The following SHISA6 variants were observed in gnomAD, a reference collection of about 807,000 sequenced individuals.
SHISA6 encodes the protein shisa family member 6.
In SHISA6, 22 loss-of-function variants were observed where a neutral mutation model predicts 47.9. The ratio of observed to expected loss-of-function variants is 0.46; its 90% CI spans 0.33 to 0.66. The LOEUF is 0.66. SHISA6 is among the 30% of genes least tolerant of loss of function. The probability of loss-of-function intolerance (pLI) is 0.02; values close to 1 mark genes in which losing one functional copy is unlikely to be tolerated. For synonymous variants in SHISA6, 388 were observed against 337.8 expected, an observed-to-expected ratio of 1.15 and a Z score of -1.63; for missense variants, 680 against 764.6, an observed-to-expected ratio of 0.89 and a Z score of 1.30.
intron 3 of SHISA6, among the ~76,000 whole-genome samples, chr17:11,462,739 T>C (rs911379742): frequency 6.6e-6 from 1 of 152,178 alleles, no homozygotes; most frequent in African/African-American, 2.4e-5. Flanking sequence ...GCAATTTTCC[T>C]GCCTCAGCCT....
At chr17:11,547,512 A>G (rs887352828) in intron 3 of SHISA6, among the ~76,000 whole-genome samples, 3 of 152,262 alleles carry the variant, frequency 2.0e-5, no homozygotes, top group African/African-American at 7.2e-5. Context: ...CATTTAGGAT[A>G]TAACAACAAT....
At chr17:11,322,570 T>A (rs943513003) in intron 2 of SHISA6, among the ~76,000 whole-genome samples, 14 of 152,224 alleles carry the variant, frequency 9.2e-5, no homozygotes. Flanking sequence ...GCGAAGGACA[T>A]GCTGAGGACT....
At chr17:11,446,040 C>A (rs1233856341) in intron 3 of SHISA6, among the ~76,000 whole-genome samples, 18 of 152,090 alleles carry the variant, frequency 1.2e-4, no homozygotes, top group Non-Finnish European at 1.0e-4. Context: ...ATTGGTCAGG[C>A]TGGTCTTGAA....
chr17:11,285,998 G>C (rs921878033), intron 2 of SHISA6, among the ~76,000 whole-genome samples: 1 of 151,986 alleles, frequency 6.6e-6, no homozygotes, highest in Admixed American at 6.6e-5. Context: ...CACCACGCCT[G>C]GCTAATATTT....
intron 3 of SHISA6, among the ~76,000 whole-genome samples, chr17:11,459,797 A>G (rs776321598): frequency 6.6e-6 from 1 of 152,196 alleles, no homozygotes; most frequent in African/African-American, 2.4e-5. Flanking sequence ...CATCACGGGA[A>G]CTAGTTGGAG....
intron 3 of SHISA6, among the ~76,000 whole-genome samples, chr17:11,425,133 T>A (rs961281630): frequency 1.3e-5 from 2 of 151,954 alleles, no homozygotes; most frequent in Non-Finnish European, 2.9e-5. Context: ...AAAATAAAAA[T>A]TTTTAAAGAA....
chr17:11,320,579 A>C (rs904579615), intron 2 of SHISA6, among the ~76,000 whole-genome samples: 11 of 151,900 alleles, frequency 7.2e-5, no homozygotes, highest in African/African-American at 2.7e-4. Context: ...AATCATTTGA[A>C]CTCTGGAGGT....
At chr17:11,350,325 G>T (rs1313344732) in intron 2 of SHISA6, among the ~76,000 whole-genome samples, 1 of 6,266 alleles carries the variant, frequency 1.6e-4, no homozygotes, top group Non-Finnish European at 1.1e-3. Flanking sequence ...GACTACAGGC[G>T]CCTGCCACCA....
Position 11,548,104 on chromosome 17 carries a change from G to A in SHISA6, c.896-3792G>A, listed in dbSNP as rs148522535. Among the ~76,000 whole-genome samples the A allele has an allele frequency of 3.0e-3, 456 of 152,092 alleles. 1 individual carries two copies. The highest frequency in any genetic ancestry group is 4.8e-3 in the Non-Finnish European group (325 of 67,974). ...TTCACCTGTTAGCTACGCAACATTC[G>A]GCAAAATATTCAAACTCTCCAAACT... On this transcript the variant is annotated intron_variant, in intron 3 of 5. Transcript: ENST00000441885.
intron 1 of SHISA6, among the ~76,000 whole-genome samples, chr17:11,258,803 A>C (rs1469433662): frequency 6.6e-6 from 1 of 152,256 alleles, no homozygotes; most frequent in Non-Finnish European, 1.5e-5. Context: ...AGCACTGAGC[A>C]GTTCAGCCAC....
chr17:11,486,511 G>A (rs1321468706), intron 3 of SHISA6, among the ~76,000 whole-genome samples: 1 of 152,186 alleles, frequency 6.6e-6, no homozygotes, highest in Non-Finnish European at 1.5e-5. Context: ...GAAGAGCAAG[G>A]AGTTGAATAA....
intron 1 of SHISA6, among the ~76,000 whole-genome samples, chr17:11,248,125 A>G (rs1907662175): frequency 6.6e-6 from 1 of 152,118 alleles, no homozygotes; most frequent in Admixed American, 6.5e-5. Context: ...CCTGGGTACA[A>G]GGGTTACCAG....
At chr17:11,419,668 A>C (rs965883287) in intron 3 of SHISA6, among the ~76,000 whole-genome samples, 2 of 152,222 alleles carry the variant, frequency 1.3e-5, no homozygotes, top group Admixed American at 6.5e-5. Flanking sequence ...TAAGTACCCC[A>C]AAAAAGGTAA....
chr17:11,422,559 C>T (rs1194670295), intron 3 of SHISA6, among the ~76,000 whole-genome samples: 1 of 152,144 alleles, frequency 6.6e-6, no homozygotes, highest in Non-Finnish European at 1.5e-5. Context: ...TGAGACCAGC[C>T]TGGCCAACAT....
At chr17:11,510,016 A>C (rs2071529762) in intron 3 of SHISA6, among the ~76,000 whole-genome samples, 1 of 152,082 alleles carries the variant, frequency 6.6e-6, no homozygotes, top group Non-Finnish European at 1.5e-5. Context: ...ACCTAAGGGA[A>C]AACCGAGGAA....
At position 11,329,839 on chromosome 17, in the gene SHISA6, T is replaced by G. The variant is rs753796705; in HGVS notation, c.800-49575T>G. On this transcript the variant is annotated intron_variant, in intron 2 of 5. Transcript: ENST00000441885. Reference sequence around the variant, plus strand: ...GTGAAAGAGGGAAGCATTGACTCATTGTGTGTAATGTGTTCAAGCGCACCT... The same window carrying G: ...GTGAAAGAGGGAAGCATTGACTCATGGTGTGTAATGTGTTCAAGCGCACCT... Among the ~76,000 whole-genome samples, 74 of 152,124 alleles carry G rather than the reference T, an allele frequency of 4.9e-4. 1 individual carries two copies. The highest frequency in any genetic ancestry group is 4.3e-4 in the Non-Finnish European group (29 of 67,990).
intron 2 of SHISA6, among the ~76,000 whole-genome samples, chr17:11,268,724 G>C (rs1360400194): frequency 6.6e-6 from 1 of 152,164 alleles, no homozygotes. Flanking sequence ...GTACACAAGG[G>C]TTTTATCTTC....
intron 2 of SHISA6, among the ~76,000 whole-genome samples, chr17:11,368,924 G>A (rs2142235878): frequency 6.6e-6 from 1 of 152,224 alleles, no homozygotes; most frequent in South Asian, 2.1e-4. Context: ...CAAAGTGCTG[G>A]GATTACAGGC....
chr17:11,435,938 G>A (rs1319446922), intron 3 of SHISA6, among the ~76,000 whole-genome samples: 3 of 152,206 alleles, frequency 2.0e-5, no homozygotes, highest in Admixed American at 6.5e-5. Context: ...ACAGAAGGAT[G>A]TAGTATTATG....
Sources: gnomAD v4.1 joint callset for allele counts (sites outside exome capture counted in the v4.1 genomes callset) on GRCh38, gnomAD v4.1.1 for gene constraint, MANE v1.5 for transcripts, NCBI Gene and HGNC (gene_info 2026-07-23, HGNC 2026-07-21) for gene names.